CNKSR2: variants seen among roughly 807,000 people sequenced by gnomAD.
CNKSR2 encodes the protein connector enhancer of kinase suppressor of Ras 2.
In CNKSR2, 14 loss-of-function variants were observed where a neutral mutation model predicts 84.4. The observed-to-expected ratio is 0.17, with a 90% CI of 0.11 to 0.26. The LOEUF is 0.26. Ranked by LOEUF, CNKSR2 falls within the 10% of genes least tolerant of loss-of-function variation. CNKSR2 has a pLI of 1.00. For missense variants in CNKSR2, 485 were observed against 771.2 expected (o/e 0.63, Z 4.40); for synonymous variants, 275 against 277.9 (o/e 0.99, Z 0.10).
intron 20 of CNKSR2, among the ~76,000 whole-genome samples, chrX:21,625,234 G>T (rs1051549208): frequency 8.9e-6 from 1 of 112,470 alleles, no homozygotes; most frequent in Non-Finnish European, 1.9e-5. Flanking sequence ...TGATGGAAAT[G>T]AACATATAAT....
chrX:21,528,814 C>G lies in CNKSR2; in HGVS notation c.1091+1814C>G, dbSNP rs181236801. ...CATTTTGAGTCAAATTATTACTTAC[C>G]CAGTCATAAAGTCTTTCGATATTGG... On this transcript the variant is annotated intron_variant, in intron 10 of 21. Coordinates refer to ENST00000379510, the MANE Select transcript of CNKSR2 (RefSeq NM_014927.5). Among the ~76,000 whole-genome samples the G allele has an allele frequency of 6.3e-5, 7 of 110,578 alleles. No individual in the cohort carries two copies. The Admixed American group carries it at 6.8e-4, about 11-fold the overall frequency.
At chrX:21,422,352 C>G (rs891079523) in intron 1 of CNKSR2, 1 of 111,568 alleles carries the variant, frequency 9.0e-6, no homozygotes, top group African/African-American at 3.3e-5. Flanking sequence ...ATTTCCTAAC[C>G]TTCACCATGG....
chrX:21,620,521 A>T (rs905053443), intron 20 of CNKSR2, among the ~76,000 whole-genome samples: 1 of 110,664 alleles, frequency 9.0e-6, no homozygotes, highest in South Asian at 3.8e-4. Context: ...AAACTTTTGC[A>T]TATTTTAAAA....
intron 1 of CNKSR2, among the ~76,000 whole-genome samples, chrX:21,389,379 G>C (rs933724083): frequency 9.1e-6 from 1 of 109,949 alleles, no homozygotes; most frequent in Non-Finnish European, 1.9e-5. Context: ...AATAATAGGA[G>C]AATATGGGTG....
intron 13 of CNKSR2, among the ~76,000 whole-genome samples, chrX:21,568,949 G>A (rs1377432499): frequency 8.9e-6 from 1 of 111,739 alleles, no homozygotes; most frequent in African/African-American, 3.3e-5. Context: ...CCCAGTCTAA[G>A]TGCAGTGGTA....
At chrX:21,437,497 G>T (rs1427153147) in intron 3 of CNKSR2, among the ~76,000 whole-genome samples, 1 of 96,404 alleles carries the variant, frequency 1.0e-5, no homozygotes. Context: ...TCGGCTCACT[G>T]CAACCTCTGC....
At chrX:21,617,181 A>T (rs989911378) in intron 20 of CNKSR2, among the ~76,000 whole-genome samples, 2 of 111,579 alleles carry the variant, frequency 1.8e-5, no homozygotes, top group Non-Finnish European at 3.8e-5. Flanking sequence ...CACACATCAA[A>T]AAAAAGCAAA....
intron 1 of CNKSR2, among the ~76,000 whole-genome samples, chrX:21,420,963 C>G (rs936379756): frequency 9.0e-6 from 1 of 111,242 alleles, no homozygotes; most frequent in Non-Finnish European, 1.9e-5. Context: ...CTAGGATTTG[C>G]AGTCCTTGTG....
intron 4 of CNKSR2, 83 bp downstream of exon 4, chrX:21,440,864 T>G (rs1013865247): frequency 3.8e-6 from 2 of 529,386 alleles, no homozygotes; most frequent in African/African-American, 2.4e-5. Flanking sequence ...GTACCAAGAG[T>G]TTTTAAGATA....
chrX:21,407,040 G>T (rs1426476094), intron 1 of CNKSR2, among the ~76,000 whole-genome samples: 1 of 111,319 alleles, frequency 9.0e-6, no homozygotes, highest in African/African-American at 3.3e-5. Context: ...TGATTTGGTG[G>T]CATTAGTAGG....
At chrX:21,600,635 A>T (rs893400017) in intron 17 of CNKSR2, among the ~76,000 whole-genome samples, 4 of 112,364 alleles carry the variant, frequency 3.6e-5, no homozygotes, top group African/African-American at 1.3e-4. Flanking sequence ...GCAGCACTAC[A>T]GAAAGAGCAA....
At chrX:21,637,108 G>T (rs764722917) in intron 20 of CNKSR2, among the ~76,000 whole-genome samples, 1 of 111,922 alleles carries the variant, frequency 8.9e-6, no homozygotes, top group African/African-American at 3.2e-5. Flanking sequence ...ATTTCAGAAA[G>T]TTGTTTTTAA....
intron 1 of CNKSR2, among the ~76,000 whole-genome samples, chrX:21,408,673 C>G (rs1311038794): frequency 4.5e-5 from 5 of 111,186 alleles, no homozygotes; most frequent in African/African-American, 1.6e-4. Flanking sequence ...TTTGTTTACC[C>G]TTTTATGTCT....
At chrX:21,495,803 A>C (rs1329972629) in intron 6 of CNKSR2, 2 of 96,958 alleles carry the variant, frequency 2.1e-5, no homozygotes, top group African/African-American at 3.8e-5. Flanking sequence ...AAAAAAAAAA[A>C]AAAAAAAAAA....
At chrX:21,634,062 C>T (rs1258598751) in intron 20 of CNKSR2, among the ~76,000 whole-genome samples, 3 of 111,650 alleles carry the variant, frequency 2.7e-5, no homozygotes, top group Non-Finnish European at 5.7e-5. Flanking sequence ...GTGATTTTTA[C>T]CAAATTAATG....
intron 1 of CNKSR2, among the ~76,000 whole-genome samples, chrX:21,401,657 A>G (rs979635166): frequency 8.9e-6 from 1 of 112,104 alleles, no homozygotes; most frequent in Non-Finnish European, 1.9e-5. Context: ...TCTTTTGGTT[A>G]ATTTCATTTT....
chrX:21,635,347 G>T (rs2092665769), intron 20 of CNKSR2, among the ~76,000 whole-genome samples: 1 of 104,691 alleles, frequency 9.6e-6, no homozygotes, highest in African/African-American at 3.5e-5. Context: ...AACCTCCTTG[G>T]CACACCAGTC....
At chrX:21,650,998 CA>C (rs953121450) in intron 21 of CNKSR2, among the ~76,000 whole-genome samples, 3 of 111,769 alleles carry the variant, frequency 2.7e-5, no homozygotes, top group Admixed American at 1.9e-4. Flanking sequence ...GTTTAGAAGG[CA>C]GGCAGGCATT....
intron 20 of CNKSR2, among the ~76,000 whole-genome samples, chrX:21,639,658 C>T (rs1254751763): frequency 9.0e-6 from 1 of 111,316 alleles, no homozygotes; most frequent in Non-Finnish European, 1.9e-5. Flanking sequence ...AAATAAAATG[C>T]TATGTGAAGT....
Sources: allele counts gnomAD v4.1 joint callset (sites outside exome capture counted in the v4.1 genomes callset), GRCh38; gene constraint gnomAD v4.1.1; transcripts MANE v1.5; gene names NCBI Gene and HGNC (gene_info 2026-07-23, HGNC 2026-07-21).